RBMS3: variants seen among roughly 807,000 people sequenced by gnomAD.
The protein encoded by RBMS3 is RNA binding motif single stranded interacting protein 3, also known as RNA-binding motif, single-stranded-interacting protein 3.
Under a neutral mutation model 66.8 loss-of-function variants are expected in RBMS3, and 27 were observed. That is an observed-to-expected ratio of 0.40 (90% CI 0.30 to 0.56). The LOEUF is 0.56. Ranked by LOEUF, RBMS3 falls within the 20% of genes least tolerant of loss-of-function variation. The pLI, the probability that RBMS3 is intolerant of heterozygous loss-of-function variation, is 0.40. For synonymous variants in RBMS3, 188 were observed against 183.0 expected (o/e 1.03, Z -0.22); for missense variants, 513 against 549.5 (o/e 0.93, Z 0.66).
At chr3:29,971,235 A>G (rs145895351) in intron 12 of RBMS3, among the ~76,000 whole-genome samples, 73 of 152,206 alleles carry the variant, frequency 4.8e-4, no homozygotes, top group African/African-American at 1.7e-3. Context: ...TTCATTACCA[A>G]TGATTTCAGC....
chr3:29,619,286 GAATA>G (rs2048783563), intron 4 of RBMS3, among the ~76,000 whole-genome samples: 1 of 146,534 alleles, frequency 6.8e-6, no homozygotes, highest in African/African-American at 2.5e-5. Flanking sequence ...AAAAAAAAAT[GAATA>G]AAGAAAACAG....
chr3:29,465,352 T>C (rs2042502389), intron 2 of RBMS3, among the ~76,000 whole-genome samples: 1 of 152,176 alleles, frequency 6.6e-6, no homozygotes, highest in South Asian at 2.1e-4. Context: ...AATGAGTGTT[T>C]CTAACTTACA....
intron 6 of RBMS3, among the ~76,000 whole-genome samples, chr3:29,788,287 G>A (rs555320528): frequency 3.3e-5 from 5 of 150,954 alleles, no homozygotes; most frequent in Admixed American, 6.6e-5. Flanking sequence ...GTGCAGTGGC[G>A]CCAGCTTGGC....
intron 4 of RBMS3, among the ~76,000 whole-genome samples, chr3:29,690,565 T>A (rs1190354339): frequency 6.6e-6 from 1 of 152,272 alleles, no homozygotes; most frequent in Admixed American, 6.5e-5. Flanking sequence ...GGTTATATAT[T>A]TTCATGACTC....
At chr3:29,561,253 C>T (rs1007650950) in intron 3 of RBMS3, among the ~76,000 whole-genome samples, 1 of 152,106 alleles carries the variant, frequency 6.6e-6, no homozygotes, top group African/African-American at 2.4e-5. Flanking sequence ...GGTATATACC[C>T]AGTAAAGGGA....
intron 5 of RBMS3, among the ~76,000 whole-genome samples, chr3:29,753,951 A>G (rs1255171112): frequency 3.3e-5 from 5 of 151,794 alleles, no homozygotes; most frequent in African/African-American, 4.8e-5. Context: ...GAGATAAAAG[A>G]TTGAAAAACT....
At chr3:29,370,022 C>T (rs943034265) in intron 1 of RBMS3, among the ~76,000 whole-genome samples, 5 of 152,068 alleles carry the variant, frequency 3.3e-5, no homozygotes, top group African/African-American at 1.2e-4. Context: ...TAACAAATAG[C>T]CCAAAGAAAT....
At chr3:29,895,434 C>A (rs1249842393) in intron 8 of RBMS3, among the ~76,000 whole-genome samples, 3 of 151,430 alleles carry the variant, frequency 2.0e-5, no homozygotes, top group African/African-American at 7.3e-5. Flanking sequence ...GGAATCAACC[C>A]CTTCCTCCAC....
intron 10 of RBMS3, among the ~76,000 whole-genome samples, chr3:29,930,067 AAC>A (rs1174925875): frequency 6.7e-6 from 1 of 149,308 alleles, no homozygotes; most frequent in Non-Finnish European, 1.5e-5. Flanking sequence ...AGTTGTCGGG[AAC>A]AGACTGTAGA....
intron 4 of RBMS3, among the ~76,000 whole-genome samples, chr3:29,623,203 G>T (rs912539518): frequency 6.7e-6 from 1 of 150,344 alleles, no homozygotes; most frequent in East Asian, 2.0e-4. Flanking sequence ...TATTAATAGC[G>T]TATTTTAATC....
chr3:29,420,817 A>G (rs7651092), intron 1 of RBMS3, among the ~76,000 whole-genome samples: 124,502 of 151,966 alleles, frequency 0.82, 51,590 homozygotes, highest in East Asian at 0.97. Flanking sequence ...AGAAAAGGCT[A>G]TTATCGGCCA....
intron 10 of RBMS3, among the ~76,000 whole-genome samples, chr3:29,913,658 AC>A (rs1388371986): frequency 6.6e-6 from 1 of 151,968 alleles, no homozygotes; most frequent in African/African-American, 2.4e-5. Context: ...CTGAATAATA[AC>A]CTTAAAACTT....
chr3:29,995,473 A>G (rs1699164555), intron 14 of RBMS3, among the ~76,000 whole-genome samples: 2 of 152,010 alleles, frequency 1.3e-5, no homozygotes, highest in African/African-American at 4.8e-5. Flanking sequence ...CAGATTCACC[A>G]AAGTTGAAAT....
intron 10 of RBMS3, among the ~76,000 whole-genome samples, chr3:29,913,266 A>G (rs930366553): frequency 5.3e-5 from 8 of 152,002 alleles, no homozygotes; most frequent in African/African-American, 1.9e-4. Context: ...ATATCAAACC[A>G]TTCTATCTTA....
chr3:29,644,224 T>A (rs2149201893), intron 4 of RBMS3, among the ~76,000 whole-genome samples: 1 of 152,316 alleles, frequency 6.6e-6, no homozygotes, highest in Non-Finnish European at 1.5e-5. Context: ...ACGCATTAGA[T>A]GGAACACTCC....
chr3:29,856,945 A>G (rs62235504), intron 6 of RBMS3, among the ~76,000 whole-genome samples: 34,198 of 152,104 alleles, frequency 0.22, 5,015 homozygotes, highest in Non-Finnish European at 0.33. Flanking sequence ...TTCAACTTAC[A>G]TGACAGCACT....
chr3:29,533,611 A>G (rs1412012218), intron 3 of RBMS3, among the ~76,000 whole-genome samples: 1 of 152,078 alleles, frequency 6.6e-6, no homozygotes, highest in East Asian at 1.9e-4. Context: ...CCCCATCTCT[A>G]CTAAAAATAT....
rs2125407179 is a variant in RBMS3, at chr3:30,004,032, G to T, written c.*170G>T. On this transcript the variant is annotated 3_prime_UTR_variant, in exon 15 of 15. Coordinates refer to ENST00000383767, the MANE Select transcript of RBMS3 (RefSeq NM_001003793.3). Reference sequence around the variant, plus strand: ...CCCAATGAAAGCAAAGTTTTTATGTGCTGTGCAAATGGTCTTCATGTGGTC... The same window carrying T: ...CCCAATGAAAGCAAAGTTTTTATGTTCTGTGCAAATGGTCTTCATGTGGTC... 4 of 432,206 alleles carry T rather than the reference G, an allele frequency of 9.3e-6. No individual in the cohort carries two copies. The East Asian group carries it at 1.4e-4, about 15-fold the overall frequency. The allele number at this position is 432,206 out of a possible 1,614,324, so 26.8% of individuals were successfully genotyped here.
chr3:29,996,867 C>A (rs2125390537), intron 14 of RBMS3, among the ~76,000 whole-genome samples: 1 of 151,992 alleles, frequency 6.6e-6, no homozygotes. Flanking sequence ...ACTAGAAAAG[C>A]AAGAGCAAAC....
Sources: gnomAD v4.1 joint callset for allele counts (sites outside exome capture counted in the v4.1 genomes callset) on GRCh38, gnomAD v4.1.1 for gene constraint, MANE v1.5 for transcripts, NCBI Gene and HGNC (gene_info 2026-07-23, HGNC 2026-07-21) for gene names.